ANKS1B: variants seen among roughly 807,000 people sequenced by gnomAD.
ANKS1B encodes ankyrin repeat and sterile alpha motif domain-containing protein 1B.
Under a neutral mutation model 148.3 loss-of-function variants are expected in ANKS1B, and 36 were observed. The observed-to-expected ratio is 0.24, with a 90% CI of 0.19 to 0.32. ANKS1B has a LOEUF of 0.32. ANKS1B is among the 10% of genes least tolerant of loss of function. ANKS1B has a pLI of 1.00. For synonymous variants in ANKS1B, 542 were observed against 560.8 expected (o/e 0.97, Z 0.47); for missense variants, 1,157 against 1,542.6 (o/e 0.75, Z 4.19).
At chr12:99,482,880 ATTTG>A (rs749154124) in intron 10 of ANKS1B, among the ~76,000 whole-genome samples, 21 of 152,114 alleles carry the variant, frequency 1.4e-4, no homozygotes, top group South Asian at 6.2e-4. Flanking sequence ...AATTTACTGA[ATTTG>A]TTTATCAAAT....
At chr12:99,453,110 G>A (rs1299512885) in intron 10 of ANKS1B, among the ~76,000 whole-genome samples, 2 of 152,102 alleles carry the variant, frequency 1.3e-5, no homozygotes, top group African/African-American at 2.4e-5. Context: ...CTAACATGGT[G>A]AAACCCCGTC....
chr12:99,898,904 G>A (rs1377553476), intron 1 of ANKS1B, among the ~76,000 whole-genome samples: 2 of 152,062 alleles, frequency 1.3e-5, no homozygotes, highest in Non-Finnish European at 2.9e-5. Flanking sequence ...CTACATAATC[G>A]CAAAAACACT....
At chr12:99,094,186 C>T (rs2055089641) in intron 15 of ANKS1B, among the ~76,000 whole-genome samples, 1 of 152,092 alleles carries the variant, frequency 6.6e-6, no homozygotes, top group Non-Finnish European at 1.5e-5. Context: ...AGACAAGGTC[C>T]CTCTACCTTT....
At chr12:99,677,581 T>C (rs1266718406) in intron 8 of ANKS1B, among the ~76,000 whole-genome samples, 1 of 152,208 alleles carries the variant, frequency 6.6e-6, no homozygotes, top group East Asian at 1.9e-4. Flanking sequence ...CACTGTTGAA[T>C]TGCAGTTAAC....
chr12:99,549,387 A>G (rs2097198468), intron 9 of ANKS1B, among the ~76,000 whole-genome samples: 1 of 152,260 alleles, frequency 6.6e-6, no homozygotes. Flanking sequence ...AGAGTTAAGC[A>G]GATGGTTTTT....
intron 1 of ANKS1B, among the ~76,000 whole-genome samples, chr12:99,948,694 G>A (rs937843114): frequency 6.6e-6 from 1 of 152,040 alleles, no homozygotes; most frequent in African/African-American, 2.4e-5. Flanking sequence ...CCCCAACATC[G>A]CACCTCCTTT....
intron 4 of ANKS1B, among the ~76,000 whole-genome samples, chr12:99,799,381 C>T (rs2066655512): frequency 6.6e-6 from 1 of 152,212 alleles, no homozygotes; most frequent in African/African-American, 2.4e-5. Flanking sequence ...TTAAGGAGCA[C>T]ATCCAAAGAG....
At chr12:99,293,547 A>T (rs1056142376) in intron 12 of ANKS1B, among the ~76,000 whole-genome samples, 55 of 152,174 alleles carry the variant, frequency 3.6e-4, no homozygotes, top group African/African-American at 1.2e-3. Context: ...AAAGACTTAA[A>T]TCTAAGATTT....
intron 10 of ANKS1B, among the ~76,000 whole-genome samples, chr12:99,495,658 A>T (rs1389541939): frequency 2.6e-5 from 4 of 152,234 alleles, no homozygotes; most frequent in Admixed American, 6.5e-5. Context: ...AGTGCTTCTT[A>T]TCAGCAAGGC....
At chr12:99,915,311 G>A (rs140800718) in intron 1 of ANKS1B, among the ~76,000 whole-genome samples, 310 of 150,886 alleles carry the variant, frequency 2.1e-3, no homozygotes, top group African/African-American at 7.3e-3. Flanking sequence ...CCTATTCACC[G>A]AAAAAGTCAG....
chr12:98,818,002 G>A (rs992604786), intron 19 of ANKS1B, among the ~76,000 whole-genome samples: 1 of 152,088 alleles, frequency 6.6e-6, no homozygotes, highest in African/African-American at 2.4e-5. Context: ...TACCAAGAGT[G>A]GGAGGAAGTA....
At chr12:98,855,821 C>CT (rs140095975) in intron 17 of ANKS1B, among the ~76,000 whole-genome samples, 26,369 of 151,412 alleles carry the variant, frequency 0.17, 2,414 homozygotes, top group Admixed American at 0.22. Context: ...GTCCTTCTCC[C>CT]TTTTTTTTTA....
chr12:99,529,301 C>T (rs1040046507), intron 9 of ANKS1B, among the ~76,000 whole-genome samples: 7 of 152,158 alleles, frequency 4.6e-5, no homozygotes, highest in Non-Finnish European at 8.8e-5. Context: ...CACCTAGACT[C>T]GAACCCTTGA....
intron 8 of ANKS1B, among the ~76,000 whole-genome samples, chr12:99,710,718 G>A (rs902231274): frequency 6.6e-6 from 1 of 152,032 alleles, no homozygotes; most frequent in African/African-American, 2.4e-5. Flanking sequence ...TACAATGAAA[G>A]TAAGAATTGC....
rs550988511 is a variant in ANKS1B, at chr12:98,964,335, G to A, written c.2778+88822C>T. On this transcript the variant is annotated intron_variant, in intron 17 of 26. Coordinates refer to ENST00000683438, the MANE Select transcript of ANKS1B (RefSeq NM_001352186.2). ...AGGATGTGGAGAAAAGGGAACTCTCGTACACTGTTGGTGGGAATGTAAGTT... is the reference window on the plus strand; with the variant it reads ...AGGATGTGGAGAAAAGGGAACTCTCATACACTGTTGGTGGGAATGTAAGTT... 9.2e-5 allele frequency among the ~76,000 whole-genome samples: 14 copies of A among 152,260 alleles called. No homozygotes were observed. In the South Asian group the frequency reaches 2.1e-3, roughly 23 times the overall value.
chr12:99,784,285 T>C (rs1320085195), intron 4 of ANKS1B, among the ~76,000 whole-genome samples: 3 of 151,694 alleles, frequency 2.0e-5, no homozygotes, highest in African/African-American at 7.3e-5. Flanking sequence ...CATTCCCCTG[T>C]CTCAGCCTCC....
At chr12:99,916,568 A>C (rs1416202221) in intron 1 of ANKS1B, among the ~76,000 whole-genome samples, 2 of 152,214 alleles carry the variant, frequency 1.3e-5, no homozygotes, top group Non-Finnish European at 2.9e-5. Flanking sequence ...GGTTCTCTGA[A>C]CTATGAAACA....
At position 99,190,955 on chromosome 12, in the gene ANKS1B, A is replaced by G. The variant is rs554142539; in HGVS notation, c.2420-36560T>C. ...TTTGCAATCTCTCCATCTGACAAAC[A>G]GCTAATATCCAGAAACTACAAAGAA... On this transcript the variant is annotated intron_variant, in intron 14 of 26. Coordinates refer to ENST00000683438, the MANE Select transcript of ANKS1B (RefSeq NM_001352186.2). Among the ~76,000 whole-genome samples the G allele has an allele frequency of 7.8e-4, 118 of 152,166 alleles. 2 individuals carry two copies. Among genetic ancestry groups the G allele is most frequent in the Non-Finnish European group, 1.4e-3 (97 of 67,970 alleles).
chr12:99,749,514 AT>A (rs2060910061), intron 8 of ANKS1B, among the ~76,000 whole-genome samples: 1 of 152,206 alleles, frequency 6.6e-6, no homozygotes, highest in Non-Finnish European at 1.5e-5. Context: ...CCTTTTCTGC[AT>A]AAATCAGTTT....
Sources: allele counts gnomAD v4.1 joint callset (sites outside exome capture counted in the v4.1 genomes callset), GRCh38; gene constraint gnomAD v4.1.1; transcripts MANE v1.5; gene names NCBI Gene and HGNC (gene_info 2026-07-23, HGNC 2026-07-21).